Variants in CHSY3 observed in about 807,000 individuals in gnomAD.
The protein encoded by CHSY3 is N-acetylgalactosaminyl-proteoglycan 3-beta-glucuronosyltransferase 3.
A neutral mutation model predicts 67.2 loss-of-function variants in CHSY3; 35 were observed. The ratio of observed to expected loss-of-function variants is 0.52; its 90% CI spans 0.40 to 0.69. CHSY3 has a LOEUF of 0.69. CHSY3 is among the 30% of genes least tolerant of loss of function. The pLI, the probability that CHSY3 is intolerant of heterozygous loss-of-function variation, is 0.00. For synonymous variants in CHSY3, 474 were observed against 434.7 expected, an observed-to-expected ratio of 1.09 and a Z score of -1.12; for missense variants, 1,069 against 1,138.5, an observed-to-expected ratio of 0.94 and a Z score of 0.88.
chr5:130,134,228 A>G (rs1002073453), intron 2 of CHSY3, among the ~76,000 whole-genome samples: 3 of 152,158 alleles, frequency 2.0e-5, no homozygotes, highest in Non-Finnish European at 2.9e-5. Context: ...TTATTACTAC[A>G]CTGGTATGTG....
intron 2 of CHSY3, among the ~76,000 whole-genome samples, chr5:129,952,472 G>A (rs1345985254): frequency 6.6e-6 from 1 of 152,122 alleles, no homozygotes; most frequent in African/African-American, 2.4e-5. Context: ...AGAAATGAGC[G>A]TATAACTTAA....
chr5:129,914,480 C>T (rs1581360764), intron 2 of CHSY3, among the ~76,000 whole-genome samples: 1 of 152,138 alleles, frequency 6.6e-6, no homozygotes, highest in South Asian at 2.1e-4. Context: ...AAAGTATATT[C>T]ATATATATGA....
intron 2 of CHSY3, among the ~76,000 whole-genome samples, chr5:129,996,385 A>G (rs1041878748): frequency 1.3e-5 from 2 of 152,174 alleles, no homozygotes; most frequent in South Asian, 2.1e-4. Flanking sequence ...GTCTCAAAAA[A>G]TGGCACAAGA....
chr5:130,177,300 A>G (rs1002050669), intron 2 of CHSY3, among the ~76,000 whole-genome samples: 2 of 151,420 alleles, frequency 1.3e-5, no homozygotes, highest in Non-Finnish European at 1.5e-5. Context: ...TTTTCTGTCA[A>G]TTTATTTTTC....
At chr5:129,941,566 A>G (rs915888848) in intron 2 of CHSY3, among the ~76,000 whole-genome samples, 2 of 152,154 alleles carry the variant, frequency 1.3e-5, no homozygotes, top group Non-Finnish European at 1.5e-5. Flanking sequence ...TTTTCATACT[A>G]TGAATACTAG....
chr5:129,976,375 A>G (rs886804621), intron 2 of CHSY3, among the ~76,000 whole-genome samples: 3 of 152,170 alleles, frequency 2.0e-5, no homozygotes, highest in Non-Finnish European at 2.9e-5. Flanking sequence ...TAAGTTAAAA[A>G]GAAACCAGTT....
intron 2 of CHSY3, among the ~76,000 whole-genome samples, chr5:130,170,310 A>G (rs1375390706): frequency 6.6e-6 from 1 of 152,094 alleles, no homozygotes; most frequent in Admixed American, 6.6e-5. Context: ...TGCAAAGGAC[A>G]TGATTTCATT....
chr5:130,087,977 G>T (rs148519918), intron 2 of CHSY3, among the ~76,000 whole-genome samples: 2,021 of 152,180 alleles, frequency 0.013, 20 homozygotes, highest in Middle Eastern at 0.1. Flanking sequence ...ATACTACAAG[G>T]CTATGGTAAC....
Position 129,905,093 on chromosome 5 carries a change from G to A in CHSY3, c.264G>A (p.Leu88=). 1 of 1,541,784 alleles carries A rather than the reference G, an allele frequency of 6.5e-7. No individual in the cohort carries two copies. Among genetic ancestry groups the A allele is most frequent in the Non-Finnish European group, 8.7e-7 (1 of 1,149,834 alleles). The change falls in exon 1 of 3, where the codon CTG becomes CTA. Residue 88 remains leucine (L), a synonymous_variant. Transcript: ENST00000305031. ...PARQDLQGPP[L]PEAAPGITSF... is the part of the protein sequence containing the mutation. Reference sequence around the variant, plus strand: ...GCCAGGATCTCCAGGGGCCACCGCTGCCCGAGGCAGCACCCGGGATCACCA... The same window carrying A: ...GCCAGGATCTCCAGGGGCCACCGCTACCCGAGGCAGCACCCGGGATCACCA...
At chr5:130,176,297 A>G (rs1160694204) in intron 2 of CHSY3, among the ~76,000 whole-genome samples, 12 of 152,210 alleles carry the variant, frequency 7.9e-5, no homozygotes, top group Non-Finnish European at 1.3e-4. Flanking sequence ...CAAAACCACA[A>G]TGAGATATCA....
Position 130,055,561 on chromosome 5 carries a change from C to G in CHSY3, c.1087-128668C>G, listed in dbSNP as rs185378337. 1.3e-4 allele frequency among the ~76,000 whole-genome samples: 20 copies of G among 152,132 alleles called. No homozygotes were observed. The East Asian group carries it at 3.7e-3, about 28-fold the overall frequency. On this transcript the variant is annotated intron_variant, in intron 2 of 2. Transcript: ENST00000305031. ...TTTCTTCAGCTATTAGTTGAGCTGT[C>G]TTAATTAGTTTCATGGAATCAAATC...
intron 2 of CHSY3, among the ~76,000 whole-genome samples, chr5:130,094,880 T>TGAG (rs1766995210): frequency 6.6e-6 from 1 of 151,966 alleles, no homozygotes; most frequent in Non-Finnish European, 1.5e-5. Flanking sequence ...TGCATATTAG[T>TGAG]GAGGAATTTT....
intron 2 of CHSY3, among the ~76,000 whole-genome samples, chr5:130,000,732 C>CTTTTTTTTTTTTTTTTTT: frequency 1.3e-5 from 1 of 76,450 alleles, no homozygotes; most frequent in Non-Finnish European, 2.3e-5. Context: ...AACTTTTCTT[C>CTTTTTTTTTTTTTTTTTT]TTTTTTTTTT....
rs376613652 is a variant in CHSY3, at chr5:129,980,339, G to T, written c.1086+71979G>T. Among the ~76,000 whole-genome samples, 7 of 152,272 alleles carry T rather than the reference G, an allele frequency of 4.6e-5. No homozygotes were observed. The East Asian group carries it at 5.8e-4, about 13-fold the overall frequency. On this transcript the variant is annotated intron_variant, in intron 2 of 2. Coordinates refer to ENST00000305031, the MANE Select transcript of CHSY3 (RefSeq NM_175856.5). ...GTATTTCCTAATGACATATAATGTGGAGCGTATTTTCACATTTGACATTTC... is the reference window on the plus strand; with the variant it reads ...GTATTTCCTAATGACATATAATGTGTAGCGTATTTTCACATTTGACATTTC...
At chr5:130,129,438 T>C (rs910756856) in intron 2 of CHSY3, among the ~76,000 whole-genome samples, 7 of 152,144 alleles carry the variant, frequency 4.6e-5, no homozygotes, top group African/African-American at 1.2e-4. Context: ...TTGTTGGAAA[T>C]ACTTCCTCTT....
chr5:130,136,027 T>C (rs915161225), intron 2 of CHSY3, among the ~76,000 whole-genome samples: 1 of 152,206 alleles, frequency 6.6e-6, no homozygotes, highest in Admixed American at 6.5e-5. Context: ...ACCCTTGTGT[T>C]CGTTAAAGCT....
At chr5:129,980,202 A>C (rs1327951854) in intron 2 of CHSY3, among the ~76,000 whole-genome samples, 1 of 152,196 alleles carries the variant, frequency 6.6e-6, no homozygotes, top group Non-Finnish European at 1.5e-5. Flanking sequence ...ACCATTTTGC[A>C]CTCATCCCAG....
intron 2 of CHSY3, among the ~76,000 whole-genome samples, chr5:129,956,813 A>T (rs553284615): frequency 1.3e-5 from 2 of 151,346 alleles, no homozygotes; most frequent in Admixed American, 1.3e-4. Flanking sequence ...ATTCTGTTTC[A>T]TTGGTCTATG....
chr5:129,916,002 A>G (rs751722022), intron 2 of CHSY3, among the ~76,000 whole-genome samples: 19 of 152,226 alleles, frequency 1.2e-4, no homozygotes, highest in African/African-American at 4.3e-4. Context: ...AATTCTCTCA[A>G]TAGAAGCCAG....
Sources: allele counts gnomAD v4.1 joint callset (sites outside exome capture counted in the v4.1 genomes callset), GRCh38; gene constraint gnomAD v4.1.1; transcripts MANE v1.5; gene names NCBI Gene and HGNC (gene_info 2026-07-23, HGNC 2026-07-21).